FANCC: variants seen among roughly 807,000 people sequenced by gnomAD.
FANCC encodes the protein Fanconi anemia group C protein.
FANCC carries 55 observed loss-of-function variants against 71.3 expected under a neutral mutation model. That is an observed-to-expected ratio of 0.77 (90% CI 0.62 to 0.97). The LOEUF is 0.97. Ranked by LOEUF, FANCC falls within the 50% of genes least tolerant of loss-of-function variation. FANCC has a pLI of 0.00. For missense variants in FANCC, 678 were observed against 670.9 expected, an observed-to-expected ratio of 1.01 and a Z score of -0.12; for synonymous variants, 275 against 244.9, an observed-to-expected ratio of 1.12 and a Z score of -1.15.
chr9:95,111,265 C>T (rs766479365), intron 13 of FANCC, 198 bp downstream of exon 13: 2 of 1,548,330 alleles, frequency 1.3e-6, no homozygotes, highest in East Asian at 4.8e-5. Flanking sequence ...CGTCTCTGGC[C>T]ACCTCGGTGG....
chr9:95,165,349 G>A (rs1831005727), intron 6 of FANCC, among the ~76,000 whole-genome samples: 1 of 151,516 alleles, frequency 6.6e-6, no homozygotes, highest in African/African-American at 2.4e-5. Context: ...TTTCTGATTT[G>A]AGATCCTTCT....
At chr9:95,113,162 C>CATTGGCTG (rs1305526507) in intron 12 of FANCC, among the ~76,000 whole-genome samples, 24 of 152,168 alleles carry the variant, frequency 1.6e-4, no homozygotes, top group African/African-American at 5.8e-4. Context: ...CCGCAGCCTC[C>CATTGGCTG]ATTGGCTGCA....
chr9:95,268,151 C>A (rs184113491), intron 1 of FANCC, among the ~76,000 whole-genome samples: 4 of 152,356 alleles, frequency 2.6e-5, no homozygotes, highest in Non-Finnish European at 4.4e-5. Context: ...TTTTATACAA[C>A]CCCTACAGAA....
intron 1 of FANCC, among the ~76,000 whole-genome samples, chr9:95,268,401 T>TG (rs1832522253): frequency 1.3e-5 from 2 of 152,254 alleles, no homozygotes; most frequent in Admixed American, 1.3e-4. Flanking sequence ...AAGGGTCTGT[T>TG]GTCAGCTAAG....
intron 4 of FANCC, among the ~76,000 whole-genome samples, chr9:95,214,037 A>G (rs1270413594): frequency 6.6e-6 from 1 of 152,238 alleles, no homozygotes; most frequent in Non-Finnish European, 1.5e-5. Flanking sequence ...CAAGCACATG[A>G]AAAGATGTTC....
chr9:95,145,356 T>C (rs1001207500), intron 7 of FANCC: 6 of 152,156 alleles, frequency 3.9e-5, no homozygotes, highest in African/African-American at 1.4e-4. Context: ...GAAAAATATA[T>C]ACAACACTCC....
At chr9:95,216,344 A>G (rs1031637002) in intron 4 of FANCC, among the ~76,000 whole-genome samples, 2 of 152,250 alleles carry the variant, frequency 1.3e-5, no homozygotes, top group Non-Finnish European at 2.9e-5. Context: ...AATAAATGAA[A>G]CAAAAAATGA....
intron 7 of FANCC, among the ~76,000 whole-genome samples, chr9:95,141,870 G>C (rs1162031939): frequency 6.6e-6 from 1 of 151,828 alleles, no homozygotes; most frequent in Non-Finnish European, 1.5e-5. Context: ...TTTTAGTTCA[G>C]TGATTGTTAG....
At position 95,202,191 on chromosome 9, in the gene FANCC, G is replaced by A. The variant is rs774572533; in HGVS notation, c.346-30044C>T. The stretch of plus-strand genomic sequence containing the variant: ...AAATTTCCTCTTCACTCATGTGACC[G>A]GAGACTAAAAGGAAGGCTCCAGGGG... On this transcript the variant is annotated intron_variant, in intron 4 of 14. Transcript: ENST00000289081. Among the ~76,000 whole-genome samples the A allele has an allele frequency of 4.6e-5, 7 of 152,330 alleles. No homozygotes were observed. In the East Asian group the frequency reaches 5.8e-4, roughly 13 times the overall value.
chr9:95,115,576 A>G lies in FANCC; in HGVS notation c.1073-866T>C, dbSNP rs2072334684. ...CTTGAGTGAGCTGCTCTGGTTTCAC[A>G]GTCATCCTGTGGTTTTAAATACAGC... On this transcript the variant is annotated intron_variant, in intron 11 of 14. Coordinates refer to ENST00000289081, the MANE Select transcript of FANCC (RefSeq NM_000136.3). Among the ~76,000 whole-genome samples the G allele has an allele frequency of 2.0e-5, 3 of 152,248 alleles. No individual in the cohort carries two copies. In the South Asian group the frequency reaches 6.2e-4, roughly 31 times the overall value.
chr9:95,108,789 T>C (rs2071667715), intron 13 of FANCC, among the ~76,000 whole-genome samples: 2 of 152,240 alleles, frequency 1.3e-5, no homozygotes, highest in South Asian at 2.1e-4. Flanking sequence ...CTTGTCTTTT[T>C]TCTACGCACT....
At position 95,140,363 on chromosome 9, in the gene FANCC, G is replaced by C. The variant is rs143708168; in HGVS notation, c.687-4861C>G. Among the ~76,000 whole-genome samples, 1,314 of 152,220 alleles carry C rather than the reference G, an allele frequency of 8.6e-3. 22 individuals carry two copies. The highest frequency in any genetic ancestry group is 0.03 in the African/African-American group (1,244 of 41,524). On this transcript the variant is annotated intron_variant, in intron 7 of 14. Coordinates refer to ENST00000289081, the MANE Select transcript of FANCC (RefSeq NM_000136.3). ...CTACTTTGTTTCCCCCAAATACTCA[G>C]TTTAGTGAGGCAGTTGTGTTTTCTC... is the stretch of plus-strand genomic sequence containing the variant.
intron 1 of FANCC, among the ~76,000 whole-genome samples, chr9:95,256,441 T>A (rs1216086105): frequency 1.3e-5 from 2 of 152,130 alleles, no homozygotes; most frequent in South Asian, 2.1e-4. Context: ...CAAACTAAGT[T>A]TCATAAGCGA....
intron 1 of FANCC, among the ~76,000 whole-genome samples, chr9:95,301,643 C>CA (rs1229036133): frequency 6.6e-6 from 1 of 152,162 alleles, no homozygotes; most frequent in East Asian, 1.9e-4. Flanking sequence ...AGGCTGGTCT[C>CA]AAACTCCTGG....
intron 1 of FANCC, among the ~76,000 whole-genome samples, chr9:95,287,536 CCA>C (rs896897493): frequency 7.2e-5 from 11 of 152,252 alleles, no homozygotes; most frequent in African/African-American, 2.6e-4. Context: ...CAAAGTTTAC[CCA>C]CTCAAACTTT....
intron 1 of FANCC, among the ~76,000 whole-genome samples, chr9:95,308,550 T>G (rs903433755): frequency 2.6e-5 from 4 of 152,106 alleles, no homozygotes; most frequent in Non-Finnish European, 4.4e-5. Flanking sequence ...CCTCCCAAAG[T>G]GCTGGGATTA....
chr9:95,210,027 G>A (rs144959726), intron 4 of FANCC, among the ~76,000 whole-genome samples: 2 of 152,204 alleles, frequency 1.3e-5, no homozygotes, highest in East Asian at 1.9e-4. Context: ...GAATGCACAC[G>A]ACTACATGCA....
At chr9:95,280,709 C>T (rs1833334643) in intron 1 of FANCC, among the ~76,000 whole-genome samples, 1 of 152,194 alleles carries the variant, frequency 6.6e-6, no homozygotes, top group African/African-American at 2.4e-5. Context: ...CAAAGATAAG[C>T]TGCCAGTAAC....
At chr9:95,104,651 A>C (rs771006372) in intron 14 of FANCC, among the ~76,000 whole-genome samples, 1 of 152,290 alleles carries the variant, frequency 6.6e-6, no homozygotes, top group South Asian at 2.1e-4. Context: ...TGGCATCAGG[A>C]TAACTGAAGC....
Sources: gnomAD v4.1 joint callset for allele counts (sites outside exome capture counted in the v4.1 genomes callset) on GRCh38, gnomAD v4.1.1 for gene constraint, MANE v1.5 for transcripts, NCBI Gene and HGNC (gene_info 2026-07-23, HGNC 2026-07-21) for gene names.